Variants in GAN observed in about 807,000 individuals in gnomAD.
GAN encodes epididymis secretory sperm binding protein.
A neutral mutation model predicts 71.3 loss-of-function variants in GAN; 48 were observed. The ratio of observed to expected loss-of-function variants is 0.67; its 90% CI spans 0.53 to 0.86. GAN has a LOEUF of 0.86. Ranked by LOEUF, GAN falls within the 40% of genes least tolerant of loss-of-function variation. GAN has a pLI of 0.00. For missense variants in GAN, 928 were observed against 770.1 expected (o/e 1.21, Z -2.43); for synonymous variants, 386 against 276.8 (o/e 1.39, Z -3.92).
chr16:81,327,634 C>T (rs1037758746), intron 1 of GAN, among the ~76,000 whole-genome samples: 1 of 151,266 alleles, frequency 6.6e-6, no homozygotes, highest in South Asian at 2.1e-4. Context: ...CCTTGTAACT[C>T]TCTACATTGG....
intron 1 of GAN, among the ~76,000 whole-genome samples, chr16:81,320,348 C>T (rs540627979): frequency 3.3e-5 from 5 of 152,316 alleles, no homozygotes; most frequent in South Asian, 4.1e-4. Flanking sequence ...TTTTCATCCC[C>T]AGTTTACTTT....
intron 1 of GAN, among the ~76,000 whole-genome samples, chr16:81,319,409 C>T (rs1909154010): frequency 6.6e-6 from 1 of 151,954 alleles, no homozygotes; most frequent in Non-Finnish European, 1.5e-5. Flanking sequence ...GATTCTGGCA[C>T]AGTCCCATTG....
Position 81,387,102 on chromosome 16 carries a change from C to T in GAN, c.*9506C>T, listed in dbSNP as rs1389036151. 1 of 152,124 alleles carries T rather than the reference C, an allele frequency of 6.6e-6. No homozygotes were observed. The highest frequency in any genetic ancestry group is 1.9e-4 in the East Asian group (1 of 5,188). 9.4% of individuals were successfully genotyped at this position (152,124 alleles called of 1,614,324 possible). On this transcript the variant is annotated 3_prime_UTR_variant, in exon 11 of 11. Transcript: ENST00000648994. ...CAGCATCCTGTTTGACATTTGTATCCATAACTTGAATAAAAATATAGAAGG... is the reference window on the plus strand; with the variant it reads ...CAGCATCCTGTTTGACATTTGTATCTATAACTTGAATAAAAATATAGAAGG...
intron 1 of GAN, among the ~76,000 whole-genome samples, chr16:81,350,478 C>T (rs1485121612): frequency 6.6e-6 from 1 of 151,658 alleles, no homozygotes; most frequent in Non-Finnish European, 1.5e-5. Context: ...AGGAGTAGAC[C>T]CAAGGGAAAT....
rs774609110 is a variant in GAN at position 81,315,245 on chromosome 16, G to A, written c.132G>A (p.Gln44=). 2.7e-5 allele frequency: 42 copies of A among 1,578,266 alleles called. No individual in the cohort carries two copies. The highest frequency in any genetic ancestry group is 3.3e-5 in the Non-Finnish European group (38 of 1,164,196). ...TCGACGGGGAGGAGATCCCGGTGCA[G>A]AAGAACATCCTGGCGGCGGCCAGCC... The part of the protein sequence containing the change: ...LVLDGEEIPV[Q]KNILAAASPY... The change falls in exon 1 of 11, where the codon CAG becomes CAA. Residue 44 remains glutamine, a synonymous_variant. Coordinates refer to ENST00000648994, the MANE Select transcript of GAN (RefSeq NM_022041.4).
intron 9 of GAN, among the ~76,000 whole-genome samples, chr16:81,369,865 C>T (rs1002386258): frequency 3.3e-5 from 5 of 152,216 alleles, no homozygotes; most frequent in Admixed American, 3.3e-4. Context: ...CCACCGCGCC[C>T]AGCCGATGTT....
chr16:81,325,893 T>G (rs1168106646), intron 1 of GAN, among the ~76,000 whole-genome samples: 1 of 152,274 alleles, frequency 6.6e-6, no homozygotes, highest in Non-Finnish European at 1.5e-5. Context: ...GTACTTCACC[T>G]GTCTGTGAAT....
At chr16:81,368,155 G>A (rs1420518518) in intron 9 of GAN, among the ~76,000 whole-genome samples, 1 of 152,176 alleles carries the variant, frequency 6.6e-6, no homozygotes, top group African/African-American at 2.4e-5. Context: ...AAGCAAAACT[G>A]CTTGAAAGGA....
At chr16:81,316,363 C>G (rs1305858247) in intron 1 of GAN, among the ~76,000 whole-genome samples, 2 of 151,964 alleles carry the variant, frequency 1.3e-5, no homozygotes, top group East Asian at 3.9e-4. Context: ...ACACTTTTAA[C>G]CTTTGCATTG....
At chr16:81,319,397 C>G (rs765935385) in intron 1 of GAN, among the ~76,000 whole-genome samples, 5 of 151,884 alleles carry the variant, frequency 3.3e-5, no homozygotes, top group Non-Finnish European at 7.4e-5. Flanking sequence ...TGAGGCTCTT[C>G]CGATTCTGGC....
intron 4 of GAN, 129 bp from the exon 5 acceptor site, chr16:81,357,681 C>A (rs1199887035): frequency 5.6e-5 from 49 of 874,318 alleles, no homozygotes; most frequent in Non-Finnish European, 6.0e-5. Context: ...GGAATCGTCA[C>A]ACTGACTTCC....
Position 81,316,122 on chromosome 16 carries a change from A to G in GAN, c.167+842A>G, listed in dbSNP as rs143666913. Among the ~76,000 whole-genome samples, 318 of 152,284 alleles carry G rather than the reference A, an allele frequency of 2.1e-3. 1 individual carries two copies. The highest frequency in any genetic ancestry group is 7.3e-3 in the African/African-American group (303 of 41,562). ...AAGGTTGATAAGACAGTGCTTATAC[A>G]AGTGTATCAGATCTTGCAGGAGACT... On this transcript the variant is annotated intron_variant, in intron 1 of 10. Coordinates refer to ENST00000648994, the MANE Select transcript of GAN (RefSeq NM_022041.4).
At position 81,350,059 on chromosome 16, in the gene GAN, A is replaced by G. The variant is rs547125859; in HGVS notation, c.168-1524A>G. On this transcript the variant is annotated intron_variant, in intron 1 of 10. Transcript: ENST00000648994. ...CGAAAAATTGTTCTTCAAATTCTTC[A>G]TCAGTTTGTTTAAGAAGTCTTTTTT... Among the ~76,000 whole-genome samples the G allele has an allele frequency of 6.6e-5, 10 of 152,280 alleles. No homozygotes were observed. The East Asian group carries it at 1.9e-3, about 29-fold the overall frequency.
intron 1 of GAN, among the ~76,000 whole-genome samples, chr16:81,344,388 C>A (rs149742559): frequency 0.33 from 49,574 of 151,832 alleles, 10,274 homozygotes; most frequent in Non-Finnish European, 0.47. Flanking sequence ...GCTGCAGTAA[C>A]CAAAACAGCA....
chr16:81,349,335 C>G (rs1910223247), intron 1 of GAN, among the ~76,000 whole-genome samples: 1 of 152,100 alleles, frequency 6.6e-6, no homozygotes, highest in South Asian at 2.1e-4. Flanking sequence ...GTCAGTTACC[C>G]TTGTCTGTTT....
intron 1 of GAN, among the ~76,000 whole-genome samples, chr16:81,349,525 T>C (rs1357067405): frequency 6.6e-6 from 1 of 152,246 alleles, no homozygotes; most frequent in East Asian, 1.9e-4. Context: ...GAGCCTGTAG[T>C]TCCGGCTACT....
At chr16:81,318,093 A>G (rs1432976374) in intron 1 of GAN, among the ~76,000 whole-genome samples, 1 of 152,242 alleles carries the variant, frequency 6.6e-6, no homozygotes, top group Non-Finnish European at 1.5e-5. Flanking sequence ...TTTAATACCA[A>G]TAATATTGGG....
intron 9 of GAN, among the ~76,000 whole-genome samples, chr16:81,367,566 T>C (rs1250641310): frequency 2.0e-5 from 3 of 152,164 alleles, no homozygotes; most frequent in African/African-American, 7.2e-5. Flanking sequence ...AATTAATGTA[T>C]ATTCAGTTCC....
intron 5 of GAN, among the ~76,000 whole-genome samples, chr16:81,358,512 G>A (rs1910565902): frequency 6.6e-6 from 1 of 151,988 alleles, no homozygotes; most frequent in Non-Finnish European, 1.5e-5. Context: ...GGGAGGCTGA[G>A]GTGGGAGAAT....
Sources: allele counts gnomAD v4.1 joint callset (sites outside exome capture counted in the v4.1 genomes callset), GRCh38; gene constraint gnomAD v4.1.1; transcripts MANE v1.5; gene names NCBI Gene and HGNC (gene_info 2026-07-23, HGNC 2026-07-21).